USP35: variants seen among roughly 807,000 people sequenced by gnomAD.
USP35 encodes ubiquitin specific peptidase 35, also known as ubiquitin carboxyl-terminal hydrolase 35.
USP35 carries 69 observed loss-of-function variants against 83.8 expected under a neutral mutation model. That is an observed-to-expected ratio of 0.82 (90% CI 0.68 to 1.01). The LOEUF is 1.01. USP35 is among the 50% of genes least tolerant of loss of function. The probability of loss-of-function intolerance (pLI) is 0.00; values close to 1 mark genes in which losing one functional copy is unlikely to be tolerated. For missense variants in USP35, 1,503 were observed against 1,362.5 expected (o/e 1.10, Z -1.62); for synonymous variants, 714 against 589.5 (o/e 1.21, Z -3.06).
At position 78,200,734 on chromosome 11, in the gene USP35, G is replaced by T; in HGVS notation, c.1123G>T (p.Glu375Ter). ...GACCAGCTGCCTGGAGCAGCTGGCG[G>T]AGCTGGTCCACTGCATGGTGTTCCG... Reference protein sequence around the residue: ...SGTSCLEQLAELVHCMVFRFP... With the variant: ...SGTSCLEQLA Residue 375 changes from glutamate (E) to a stop codon, truncating the protein, a stop_gained, in exon 6 of 11, where the codon GAG (glutamate) becomes TAG (stop). Transcript: ENST00000529308. LOFTEE classifies it high-confidence loss of function. The T allele has an allele frequency of 6.2e-7, 1 of 1,614,190 alleles. No homozygotes were observed. The highest frequency in any genetic ancestry group is 8.5e-7 in the Non-Finnish European group (1 of 1,180,024).
Position 78,205,844 on chromosome 11 carries a change from C to G in USP35, c.1200C>G (p.Asp400Glu). ...CTGCCTGCTTATTCCCTCCTCAGGA[C>G]CTCCATGTTCCCAATGAGGACCGCA... Reference protein sequence around the residue: ...LYEPVMEAIKDLHVPNEDRIK... With the variant: ...LYEPVMEAIKELHVPNEDRIK... Residue 400 changes from aspartate (D) to glutamate (E), a missense_variant and splice_region_variant, in exon 7 of 11, where the codon GAC becomes GAG. Physicochemically the swap from Asp to Glu is conservative, Grantham distance 45. Coordinates refer to ENST00000529308, the MANE Select transcript of USP35 (RefSeq NM_020798.4). The G allele has an allele frequency of 6.2e-7, 1 of 1,611,020 alleles. No homozygotes were observed. The highest frequency in any genetic ancestry group is 8.5e-7 in the Non-Finnish European group (1 of 1,177,792).
chr11:78,207,388 C>G, intron 7 of USP35, 142 bp from the exon 8 acceptor site: 1 of 743,102 alleles, frequency 1.3e-6, no homozygotes, highest in Non-Finnish European at 2.3e-6. Flanking sequence ...TCCTCCCCAG[C>G]CCCTGGCTTC....
chr11:78,211,934 CTTTAG>C (rs1863796119), intron 10 of USP35, among the ~76,000 whole-genome samples: 1 of 152,114 alleles, frequency 6.6e-6, no homozygotes, highest in African/African-American at 2.4e-5. Flanking sequence ...CGCATAAGCT[CTTTAG>C]TTTAAGTGGA....
intron 6 of USP35, 90 bp downstream of exon 6, chr11:78,200,898 C>A: frequency 1.3e-6 from 2 of 1,487,666 alleles, no homozygotes; most frequent in Non-Finnish European, 1.8e-6. Context: ...AGCTTGGTGG[C>A]AGTCCCCGTC....
the USP35 span, chr11:78,223,281 C>G: frequency 1.5e-6 from 1 of 687,678 alleles, no homozygotes; most frequent in Non-Finnish European, 2.3e-6. Flanking sequence ...GATAAGAAAA[C>G]TGAGACTCAG....
intron 6 of USP35, 58 bp downstream of exon 6, chr11:78,200,866 G>A: frequency 6.5e-7 from 1 of 1,533,298 alleles, no homozygotes; most frequent in Non-Finnish European, 8.8e-7. Flanking sequence ...ACCAGTGTGG[G>A]CCTTCCAGCG....
At chr11:78,229,994 G>C in the USP35 span, among the ~76,000 whole-genome samples, 1 of 152,198 alleles carries the variant, frequency 6.6e-6, no homozygotes, top group Non-Finnish European at 1.5e-5. Flanking sequence ...CAGGTAGCAA[G>C]TGTTACCTAT....
intron 1 of USP35, among the ~76,000 whole-genome samples, chr11:78,189,672 C>T (rs940981057): frequency 2.6e-5 from 4 of 152,160 alleles, no homozygotes; most frequent in Admixed American, 6.5e-5. Flanking sequence ...GGGTGGAGTG[C>T]GGCCCTCACA....
the USP35 span, among the ~76,000 whole-genome samples, chr11:78,227,789 G>C: frequency 1.3e-5 from 2 of 151,990 alleles, no homozygotes; most frequent in Admixed American, 6.6e-5. Flanking sequence ...AACAGAATGA[G>C]ACCCTGTTTC....
the USP35 span, chr11:78,226,467 C>T: frequency 6.2e-6 from 10 of 1,611,332 alleles, no homozygotes; most frequent in South Asian, 7.7e-5. Context: ...ATACTGACCT[C>T]GGTGAAGTCG....
At chr11:78,217,396 C>T (rs1378983480), downstream of USP35, 1 of 152,200 alleles carries the variant, frequency 6.6e-6, no homozygotes, top group Non-Finnish European at 1.5e-5. Context: ...AGGTGCAGCT[C>T]TTGAAGAAAT....
the USP35 span, among the ~76,000 whole-genome samples, chr11:78,236,424 T>C: frequency 1.3e-5 from 2 of 152,304 alleles, no homozygotes; most frequent in African/African-American, 4.8e-5. Context: ...GTGCTGGGAT[T>C]ACAGGCATGA....
rs2134426842 is a variant in USP35 at position 78,213,862 on chromosome 11, GCCTGAGGGAAGCTGTGGAGGCAGGC to G, written c.*53_*77del. On this transcript the variant is annotated 3_prime_UTR_variant, in exon 11 of 11. Coordinates refer to ENST00000529308, the MANE Select transcript of USP35 (RefSeq NM_020798.4). Reference sequence around the variant, plus strand: ...CCCTTCCCTCCAGGAGCCAGGTAGGGCCTGAGGGAAGCTGTGGAGGCAGGCCCTACCAAGAGGAAGGATGGTACAG... The same window carrying G: ...CCCTTCCCTCCAGGAGCCAGGTAGGGCCTACCAAGAGGAAGGATGGTACAG... The G allele has an allele frequency of 6.6e-7, 1 of 1,525,454 alleles. No individual in the cohort carries two copies. The highest frequency in any genetic ancestry group is 2.6e-5 in the East Asian group (1 of 38,308). 94.5% of individuals were successfully genotyped at this position (1,525,454 alleles called of 1,614,324 possible).
the USP35 span, chr11:78,222,183 G>A: frequency 6.2e-7 from 1 of 1,613,196 alleles, no homozygotes; most frequent in Non-Finnish European, 8.5e-7. Context: ...CAGGTCAAGT[G>A]GTGTTGGCTT....
intron 4 of USP35, 72 bp downstream of exon 4, chr11:78,199,796 G>T: frequency 1.2e-6 from 2 of 1,607,340 alleles, no homozygotes; most frequent in Admixed American, 3.3e-5. Context: ...GTGCAGGTCT[G>T]GGAGGTCAGA....
chr11:78,199,831 G>T (rs1025528556), intron 4 of USP35, 107 bp downstream of exon 4: 24 of 1,559,164 alleles, frequency 1.5e-5, no homozygotes, highest in Non-Finnish European at 3.5e-6. Flanking sequence ...CACCAAGCTC[G>T]CTGTGTGACC....
the USP35 span, among the ~76,000 whole-genome samples, chr11:78,230,119 T>C: frequency 0.04 from 6,125 of 152,350 alleles, 181 homozygotes; most frequent in Middle Eastern, 0.095. Flanking sequence ...TGTTGCATTA[T>C]AAATAATGAA....
the USP35 span, among the ~76,000 whole-genome samples, chr11:78,232,157 G>C: frequency 1.3e-5 from 2 of 152,222 alleles, no homozygotes; most frequent in Non-Finnish European, 2.9e-5. Flanking sequence ...TGGTGAATGA[G>C]TCAGGGAAGA....
rs756224273 is a variant in USP35 at position 78,209,990 on chromosome 11, TGGAAGA to T, written c.2142_2147del (p.Glu716_Glu717del). The T allele has an allele frequency of 3.1e-6, 5 of 1,595,480 alleles. No homozygotes were observed. Among genetic ancestry groups the T allele is most frequent in the Non-Finnish European group, 4.3e-6 (5 of 1,171,622 alleles). On this transcript the variant is annotated inframe_deletion, in exon 10 of 11. Coordinates refer to ENST00000529308, the MANE Select transcript of USP35 (RefSeq NM_020798.4). ...GGAGAGAGGGAGAAAGAGGAGGAGGTGGAAGAGGAAGAAGAGAAGGTGGAGAAGGAG... is the reference window on the plus strand; with the variant it reads ...GGAGAGAGGGAGAAAGAGGAGGAGGTGGAAGAAGAGAAGGTGGAGAAGGAG...
Sources: allele counts gnomAD v4.1 joint callset (sites outside exome capture counted in the v4.1 genomes callset), GRCh38; gene constraint gnomAD v4.1.1; transcripts MANE v1.5; gene names NCBI Gene and HGNC (gene_info 2026-07-23, HGNC 2026-07-21).